The following POLA1 variants were observed in gnomAD, a reference collection of about 807,000 sequenced individuals.
The protein encoded by POLA1 is DNA polymerase alpha catalytic subunit.
POLA1 carries 15 observed loss-of-function variants against 124.0 expected under a neutral mutation model. That is an observed-to-expected ratio of 0.12 (90% CI 0.08 to 0.19). The LOEUF is 0.19. Among genes scored for constraint, POLA1 ranks in the 10% least tolerant of loss-of-function variants. The pLI is 1.00. For synonymous variants in POLA1, 408 were observed against 389.4 expected (o/e 1.05, Z -0.56); for missense variants, 886 against 1,103.4 (o/e 0.80, Z 2.79).
intron 18 of POLA1, among the ~76,000 whole-genome samples, chrX:24,736,822 C>T (rs1256526834): frequency 1.8e-5 from 2 of 111,573 alleles, no homozygotes; most frequent in African/African-American, 6.5e-5. Flanking sequence ...CATTCCCCGG[C>T]CCCTGGCAAC....
intron 10 of POLA1, among the ~76,000 whole-genome samples, chrX:24,722,592 G>A (rs1262402492): frequency 3.5e-5 from 4 of 112,698 alleles, no homozygotes; most frequent in South Asian, 3.6e-4. Flanking sequence ...TAGTTATCCT[G>A]ATACATGAAT....
intron 26 of POLA1, among the ~76,000 whole-genome samples, chrX:24,766,434 C>G (rs181193030): frequency 0.01 from 1,141 of 112,120 alleles, 8 homozygotes; most frequent in Non-Finnish European, 0.015. Flanking sequence ...TGCTTTCCAT[C>G]TGTTTTGTGT....
intron 35 of POLA1, among the ~76,000 whole-genome samples, chrX:24,921,892 T>TTGTGTGTGTGTGTG (rs755172411): frequency 2.8e-5 from 3 of 105,711 alleles, no homozygotes; most frequent in African/African-American, 1.1e-4. Flanking sequence ...GTTTTGCCTT[T>TTGTGTGTGTGTGTG]TGTGTGTGTG....
intron 36 of POLA1, among the ~76,000 whole-genome samples, chrX:24,978,234 C>G (rs752590848): frequency 9.0e-6 from 1 of 111,544 alleles, no homozygotes; most frequent in African/African-American, 3.3e-5. Context: ...CATTTTTGTA[C>G]TAGGAATTCA....
chrX:24,929,000 C>T (rs1052036658), intron 35 of POLA1, among the ~76,000 whole-genome samples: 2 of 111,189 alleles, frequency 1.8e-5, no homozygotes, highest in Non-Finnish European at 3.8e-5. Context: ...TTCCTGCTAC[C>T]GAATATTTAT....
Position 24,810,876 on chromosome X carries a change from C to T in POLA1, c.3090+76C>T, listed in dbSNP as rs945697356. 138 of 523,007 alleles carry T rather than the reference C, an allele frequency of 2.6e-4. No homozygotes were observed. In the Middle Eastern group the frequency reaches 3.9e-3, roughly 15 times the overall value. The allele number at this position is 523,007 out of a possible 1,213,427, so 43.1% of individuals were successfully genotyped here. A position where few individuals can be genotyped will look rare whatever the true frequency, so the allele number is the denominator to read the frequency against. On this transcript the variant is annotated intron_variant, in intron 28 of 36. Transcript: ENST00000379068. Reference sequence around the variant, plus strand: ...TTTCTAACATGGAACACTATAAATTCATGTGTATATGAATGTGTGTGCTTC... The same window carrying T: ...TTTCTAACATGGAACACTATAAATTTATGTGTATATGAATGTGTGTGCTTC...
At position 24,888,169 on chromosome X, in the gene POLA1, G is replaced by T. The variant is rs371466637; in HGVS notation, c.4164+47G>T. 2.3e-5 allele frequency: 19 copies of T among 830,337 alleles called. No individual in the cohort carries two copies. In the African/African-American group the frequency reaches 3.4e-4, roughly 15 times the overall value. 68.4% of individuals were successfully genotyped at this position (830,337 alleles called of 1,213,427 possible). Reference sequence around the variant, plus strand: ...AGAACCATGTAGAAGAGGGTAGAGGGCTGCTTGCTTTGAGAAGTAGATACT... The same window carrying T: ...AGAACCATGTAGAAGAGGGTAGAGGTCTGCTTGCTTTGAGAAGTAGATACT... On this transcript the variant is annotated intron_variant, in intron 35 of 36. Coordinates refer to ENST00000379068, the MANE Select transcript of POLA1 (RefSeq NM_001330360.2).
chrX:24,724,843 T>G (rs1930433249), intron 12 of POLA1, among the ~76,000 whole-genome samples: 2 of 112,069 alleles, frequency 1.8e-5, no homozygotes, highest in African/African-American at 6.5e-5. Flanking sequence ...TCAGGGACTA[T>G]GATACAGTCT....
intron 26 of POLA1, among the ~76,000 whole-genome samples, chrX:24,799,762 G>C (rs73207264): frequency 0.022 from 2,482 of 111,737 alleles, 36 homozygotes; most frequent in Non-Finnish European, 0.036. Context: ...TAAAGGGTGA[G>C]GGAAGGCGGG....
intron 24 of POLA1, among the ~76,000 whole-genome samples, 181 bp downstream of exon 24, chrX:24,745,723 A>C (rs1040108568): frequency 1.8e-5 from 2 of 111,899 alleles, no homozygotes; most frequent in Admixed American, 9.4e-5. Flanking sequence ...CCATCATCAC[A>C]ATGAGTTTTA....
At chrX:24,695,000 G>C (rs1927879304) in intron 1 of POLA1, among the ~76,000 whole-genome samples, 1 of 112,016 alleles carries the variant, frequency 8.9e-6, no homozygotes, top group Non-Finnish European at 1.9e-5. Flanking sequence ...GTCTTTGCAG[G>C]CCTCTATCAG....
intron 15 of POLA1, among the ~76,000 whole-genome samples, chrX:24,729,625 T>C (rs1402956285): frequency 8.9e-6 from 1 of 111,908 alleles, no homozygotes; most frequent in African/African-American, 3.3e-5. Flanking sequence ...GTTGTCCTAG[T>C]AGGAAGTTGG....
intron 36 of POLA1, among the ~76,000 whole-genome samples, chrX:24,950,105 A>G (rs1003015471): frequency 8.9e-6 from 1 of 112,265 alleles, no homozygotes; most frequent in African/African-American, 3.2e-5. Context: ...GAGTAGGATA[A>G]CAATTACATA....
intron 4 of POLA1, among the ~76,000 whole-genome samples, chrX:24,705,169 A>C (rs772300298): frequency 9.0e-6 from 1 of 111,625 alleles, no homozygotes; most frequent in Admixed American, 9.6e-5. Context: ...AAAGTATACA[A>C]TTCAGTGGCT....
At chrX:24,852,666 A>G in intron 34 of POLA1, among the ~76,000 whole-genome samples, 1 of 111,852 alleles carries the variant, frequency 8.9e-6, no homozygotes, top group Non-Finnish European at 1.9e-5. Context: ...TTCAAAACTC[A>G]TCTGACTCTT....
At chrX:24,849,615 C>A (rs1442611472) in intron 34 of POLA1, among the ~76,000 whole-genome samples, 7 of 103,533 alleles carry the variant, frequency 6.8e-5, no homozygotes, top group Non-Finnish European at 2.0e-5. Flanking sequence ...GCACATACTA[C>A]CATGCCCAGC....
intron 26 of POLA1, among the ~76,000 whole-genome samples, chrX:24,805,126 C>G (rs2045776294): frequency 9.0e-6 from 1 of 110,948 alleles, no homozygotes; most frequent in Non-Finnish European, 1.9e-5. Flanking sequence ...TTGCTCTCCC[C>G]ACCTCCACCC....
At chrX:24,809,400 C>T (rs1165999718) in intron 26 of POLA1, among the ~76,000 whole-genome samples, 1 of 111,526 alleles carries the variant, frequency 9.0e-6, no homozygotes, top group East Asian at 2.8e-4. Flanking sequence ...TTGAGCCCCA[C>T]CTTTTTACTG....
intron 26 of POLA1, among the ~76,000 whole-genome samples, chrX:24,760,189 T>G (rs1932772469): frequency 8.9e-6 from 1 of 112,507 alleles, no homozygotes; most frequent in Non-Finnish European, 1.9e-5. Context: ...AAGGGAAGAA[T>G]AATCATATAA....
Sources: allele counts gnomAD v4.1 joint callset (sites outside exome capture counted in the v4.1 genomes callset), GRCh38; gene constraint gnomAD v4.1.1; transcripts MANE v1.5; gene names NCBI Gene and HGNC (gene_info 2026-07-23, HGNC 2026-07-21).